GALNT6: variants seen among roughly 807,000 people sequenced by gnomAD.
GALNT6 encodes the protein polypeptide N-acetylgalactosaminyltransferase 6.
In GALNT6, 51 loss-of-function variants were observed where a neutral mutation model predicts 65.9. The ratio of observed to expected loss-of-function variants is 0.77; its 90% CI spans 0.62 to 0.98. GALNT6 has a LOEUF of 0.98. Ranked by LOEUF, GALNT6 falls within the 50% of genes least tolerant of loss-of-function variation. The pLI, the probability that GALNT6 is intolerant of heterozygous loss-of-function variation, is 0.00. For synonymous variants in GALNT6, 323 were observed against 315.1 expected (o/e 1.02, Z -0.26); for missense variants, 708 against 803.3 (o/e 0.88, Z 1.43).
At chr12:51,363,380 CTCAGGGGCTGG>C (rs1420934789) in intron 6 of GALNT6, among the ~76,000 whole-genome samples, 3 of 152,172 alleles carry the variant, frequency 2.0e-5, no homozygotes, top group Non-Finnish European at 4.4e-5. Context: ...TACCCTGCAG[CTCAGGGGCTGG>C]CACACAAGAG....
chr12:51,359,503 T>C, intron 7 of GALNT6, 171 bp from the exon 8 acceptor site: 1 of 543,314 alleles, frequency 1.8e-6, no homozygotes, highest in Non-Finnish European at 3.3e-6. Flanking sequence ...TCCTAGGCCA[T>C]GACTACACGA....
intron 6 of GALNT6, among the ~76,000 whole-genome samples, chr12:51,362,908 G>A (rs1427586295): frequency 6.6e-6 from 1 of 151,400 alleles, no homozygotes; most frequent in Non-Finnish European, 1.5e-5. Context: ...ATGCTGCCCA[G>A]GCTGTTGTTA....
At chr12:51,374,936 C>T (rs1050911054) in intron 4 of GALNT6, among the ~76,000 whole-genome samples, 7 of 152,176 alleles carry the variant, frequency 4.6e-5, no homozygotes, top group Non-Finnish European at 1.0e-4. Flanking sequence ...ATGCTTTTAG[C>T]ATGACATGAA....
chr12:51,383,844 AG>A (rs1243309950), intron 2 of GALNT6, among the ~76,000 whole-genome samples: 9 of 152,184 alleles, frequency 5.9e-5, no homozygotes, highest in Non-Finnish European at 1.3e-4. Context: ...TTTGGGGTTA[AG>A]GATTTCTGCT....
At chr12:51,373,033 A>G (rs550743312) in intron 4 of GALNT6, among the ~76,000 whole-genome samples, 20 of 152,216 alleles carry the variant, frequency 1.3e-4, no homozygotes, top group South Asian at 4.1e-4. Flanking sequence ...CTATACCTCC[A>G]TTGTATCTAG....
chr12:51,372,992 C>G (rs1947336721), intron 4 of GALNT6, among the ~76,000 whole-genome samples: 1 of 152,208 alleles, frequency 6.6e-6, no homozygotes, highest in Non-Finnish European at 1.5e-5. Context: ...GCTAATTTCT[C>G]CCATTTCAAA....
intron 4 of GALNT6, among the ~76,000 whole-genome samples, chr12:51,366,949 G>T (rs1352617732): frequency 1.3e-5 from 2 of 152,242 alleles, no homozygotes; most frequent in East Asian, 3.9e-4. Context: ...CCAACATGGT[G>T]AGACCCTGCC....
chr12:51,356,800 A>G (rs1946763014), intron 10 of GALNT6, among the ~76,000 whole-genome samples: 1 of 152,192 alleles, frequency 6.6e-6, no homozygotes, highest in Non-Finnish European at 1.5e-5. Flanking sequence ...CCAGTGCACC[A>G]CTGGAAATCA....
At chr12:51,364,686 G>A (rs1335489672) in intron 5 of GALNT6, among the ~76,000 whole-genome samples, 3 of 152,330 alleles carry the variant, frequency 2.0e-5, no homozygotes, top group East Asian at 3.9e-4. Flanking sequence ...CCGGGCCCAC[G>A]TGTGGATTTC....
rs1230267560 is a variant in GALNT6, at chr12:51,379,477, A to T, written c.305T>A (p.Phe102Tyr). 9.9e-6 allele frequency: 16 copies of T among 1,613,974 alleles called. No individual in the cohort carries two copies. Among genetic ancestry groups the T allele is most frequent in the Non-Finnish European group, 1.3e-5 (15 of 1,179,990 alleles). The change falls in exon 3 of 12, where the codon TTC (phenylalanine) becomes TAC (tyrosine). Residue 102 changes from phenylalanine (F) to tyrosine (Y), a missense_variant. Phe to Tyr is a conservative substitution (Grantham distance 22, BLOSUM62 3). Coordinates refer to ENST00000356317, the MANE Select transcript of GALNT6 (RefSeq NM_007210.4). The stretch of plus-strand genomic sequence containing the variant: ...GGGGTCCTGTGGTGGCCGTTCCCAG[A>T]AGGGCTTCAGTTCAGCTGGGGTATA... ...GFYTPAELKP[F>Y]WERPPQDPNA...
chr12:51,359,158 G>A lies in GALNT6; in HGVS notation c.1342C>T (p.Leu448=), dbSNP rs757029111. Reference sequence around the variant, plus strand: ...TCTTGGGCCATCTTTGCTGCCTGCAGATTTCTCCTATAGAAAATCTTCTTG... The same window carrying A: ...TCTTGGGCCATCTTTGCTGCCTGCAAATTTCTCCTATAGAAAATCTTCTTG... The part of the protein sequence containing the change: ...SYKKIFYRRN[L]QAAKMAQEKS... The change falls in exon 8 of 12, where the codon CTG becomes TTG. Residue 448 remains leucine (L), a synonymous_variant. Transcript: ENST00000356317. 4.3e-6 allele frequency: 7 copies of A among 1,614,016 alleles called. No homozygotes were observed. The highest frequency in any genetic ancestry group is 5.9e-6 in the Non-Finnish European group (7 of 1,179,986).
intron 4 of GALNT6, among the ~76,000 whole-genome samples, chr12:51,366,469 A>G (rs1947112273): frequency 6.6e-6 from 1 of 152,224 alleles, no homozygotes; most frequent in African/African-American, 2.4e-5. Context: ...CTGCAGATAG[A>G]ATTCTTTAAG....
chr12:51,379,188 C>T (rs1018680395), intron 3 of GALNT6, 103 bp downstream of exon 3: 1 of 1,180,396 alleles, frequency 8.5e-7, no homozygotes, highest in Non-Finnish European at 1.2e-6. Context: ...TTATAAAATT[C>T]CCTTCAACTC....
chr12:51,385,905 G>A lies in GALNT6; in HGVS notation c.-104+4945C>T, dbSNP rs1947824404. On this transcript the variant is annotated intron_variant, in intron 2 of 11. Coordinates refer to ENST00000356317, the MANE Select transcript of GALNT6 (RefSeq NM_007210.4). ...GCTGAAGTGTAGTGGCATGAACACA[G>A]CTTTCTGCAGCCTCGACCTCCCAGG... Among the ~76,000 whole-genome samples the A allele has an allele frequency of 2.0e-5, 3 of 152,066 alleles. No homozygotes were observed. In the South Asian group the frequency reaches 6.2e-4, roughly 31 times the overall value.
At chr12:51,357,272 C>T in intron 10 of GALNT6, 77 bp downstream of exon 10, 1 of 937,016 alleles carries the variant, frequency 1.1e-6, no homozygotes. Flanking sequence ...TCCCAGTCCT[C>T]AGGAAAGGAC....
At chr12:51,362,159 G>C (rs1466332536) in intron 6 of GALNT6, among the ~76,000 whole-genome samples, 2 of 152,182 alleles carry the variant, frequency 1.3e-5, no homozygotes, top group African/African-American at 4.8e-5. Context: ...GAACTGCAGA[G>C]GAGCACTTGG....
chr12:51,362,568 C>T (rs1946957094), intron 6 of GALNT6, among the ~76,000 whole-genome samples: 2 of 146,908 alleles, frequency 1.4e-5, no homozygotes. Context: ...AAGCCTGCGA[C>T]GTCAGTGATG....
intron 2 of GALNT6, among the ~76,000 whole-genome samples, chr12:51,385,335 T>TAC (rs1382325161): frequency 2.6e-5 from 4 of 152,188 alleles, no homozygotes; most frequent in African/African-American, 9.7e-5. Context: ...CTATTAAAGA[T>TAC]ACACACTGCC....
chr12:51,374,651 T>A lies in GALNT6; in HGVS notation c.664+2544A>T, dbSNP rs1274183004. 2.6e-5 allele frequency among the ~76,000 whole-genome samples: 4 copies of A among 151,878 alleles called. No individual in the cohort carries two copies. The East Asian group carries it at 7.7e-4, about 29-fold the overall frequency. ...CTATTGGGAGTTTGAGCACAGGAGG[T>A]CAATCTGGGAGAGCCCCAGACACCA... On this transcript the variant is annotated intron_variant, in intron 4 of 11. Coordinates refer to ENST00000356317, the MANE Select transcript of GALNT6 (RefSeq NM_007210.4).
Sources: gnomAD v4.1 joint callset for allele counts (sites outside exome capture counted in the v4.1 genomes callset) on GRCh38, gnomAD v4.1.1 for gene constraint, MANE v1.5 for transcripts, NCBI Gene and HGNC (gene_info 2026-07-23, HGNC 2026-07-21) for gene names.